The following ALPK2 variants were observed in gnomAD, a reference collection of about 807,000 sequenced individuals.
ALPK2 encodes alpha-protein kinase 2.
In ALPK2, 127 loss-of-function variants were observed where a neutral mutation model predicts 163.1. The observed-to-expected ratio is 0.78, with a 90% CI of 0.67 to 0.90. The LOEUF (loss-of-function observed/expected upper bound fraction) is 0.90, where lower values mean the gene tolerates loss of function less well. Ranked by LOEUF, ALPK2 falls within the 40% of genes least tolerant of loss-of-function variation. The pLI, the probability that ALPK2 is intolerant of heterozygous loss-of-function variation, is 0.00. For missense variants in ALPK2, 2,360 were observed against 2,589.6 expected (o/e 0.91, Z 1.92); for synonymous variants, 953 against 959.1 (o/e 0.99, Z 0.12).
rs1169309121 is a variant in ALPK2, at chr18:58,516,849, C to A, written c.5940+59G>T. The stretch of plus-strand genomic sequence containing the variant: ...TCAATCCTGAGTCTGATTTTCATCT[C>A]GTCTTATCATGGGTGGTTCTCACAC... On this transcript the variant is annotated intron_variant, in intron 9 of 12. Coordinates refer to ENST00000361673, the MANE Select transcript of ALPK2 (RefSeq NM_052947.4). The A allele has an allele frequency of 2.6e-6, 4 of 1,559,322 alleles. No individual in the cohort carries two copies. In the Admixed American group the frequency reaches 6.9e-5, roughly 27 times the overall value.
chr18:58,587,666 G>A (rs887571824), intron 3 of ALPK2, among the ~76,000 whole-genome samples: 1 of 152,182 alleles, frequency 6.6e-6, no homozygotes, highest in Non-Finnish European at 1.5e-5. Context: ...CAGTGAACTT[G>A]AAGTTGGTCA....
chr18:58,506,203 C>T (rs1482121594), intron 10 of ALPK2, among the ~76,000 whole-genome samples: 3 of 151,884 alleles, frequency 2.0e-5, no homozygotes, highest in South Asian at 2.1e-4. Flanking sequence ...CAGTAGACAC[C>T]GGGGATTCCA....
chr18:58,536,271 C>G lies in ALPK2; in HGVS notation c.3916G>C (p.Ala1306Pro). 6.2e-7 allele frequency: 1 copy of G among 1,614,226 alleles called. No homozygotes were observed. Among genetic ancestry groups the G allele is most frequent in the East Asian group, 2.2e-5 (1 of 44,890 alleles). Reference sequence around the variant, plus strand: ...TGGCTTTCTCTGCTATCAGCAAGGGCTGACTCAGCATCCTCTGGACTGTGA... The same window carrying G: ...TGGCTTTCTCTGCTATCAGCAAGGGGTGACTCAGCATCCTCTGGACTGTGA... Reference protein sequence around the residue: ...LAHSPEDAESALADSRESHKG... With the variant: ...LAHSPEDAESPLADSRESHKG... The change falls in exon 5 of 13, where the codon GCC (alanine) becomes CCC (proline). Residue 1306 changes from alanine (A) to proline (P), a missense_variant. Coordinates refer to ENST00000361673, the MANE Select transcript of ALPK2 (RefSeq NM_052947.4).
rs571736553 is a variant in ALPK2, at chr18:58,551,819, T to G, written c.1963-13595A>C. ...ATTCAGTGCAGCCAAGTCTATTCCT[T>G]GTCACCAGCCCAGGCTTCCAGACCC... On this transcript the variant is annotated intron_variant, in intron 4 of 12. Transcript: ENST00000361673. 1.2e-4 allele frequency among the ~76,000 whole-genome samples: 18 copies of G among 152,326 alleles called. No individual in the cohort carries two copies. The South Asian group carries it at 3.7e-3, about 32-fold the overall frequency.
At chr18:58,503,477 A>G (rs2051443761) in intron 11 of ALPK2, among the ~76,000 whole-genome samples, 1 of 152,308 alleles carries the variant, frequency 6.6e-6, no homozygotes, top group Non-Finnish European at 1.5e-5. Context: ...GGATCGCTAG[A>G]GCCCAGTAGT....
At position 58,537,055 on chromosome 18, in the gene ALPK2, G is replaced by A. The variant is rs1472990719; in HGVS notation, c.3132C>T (p.Ser1044=). ...GGTEERFPRA[S]HEKVSQFPSQ... Reference sequence around the variant, plus strand: ...AAGGAAATTGGGAAACCTTTTCATGGGATGCACGAGGGAACCTCTCCTCAG... The same window carrying A: ...AAGGAAATTGGGAAACCTTTTCATGAGATGCACGAGGGAACCTCTCCTCAG... The change falls in exon 5 of 13, where the codon TCC becomes TCT. Residue 1044 remains serine (S), a synonymous_variant. Coordinates refer to ENST00000361673, the MANE Select transcript of ALPK2 (RefSeq NM_052947.4). 2 of 1,613,916 alleles carry A rather than the reference G, an allele frequency of 1.2e-6. No individual in the cohort carries two copies. Among genetic ancestry groups the A allele is most frequent in the African/African-American group, 2.7e-5 (2 of 75,028 alleles).
At chr18:58,483,101 A>G (rs140985996) in intron 12 of ALPK2, among the ~76,000 whole-genome samples, 3 of 152,296 alleles carry the variant, frequency 2.0e-5, no homozygotes, top group Non-Finnish European at 4.4e-5. Context: ...CTCCCCAATA[A>G]GTGGCATCTC....
chr18:58,625,977 T>C (rs1447684996), intron 1 of ALPK2, among the ~76,000 whole-genome samples: 1 of 152,282 alleles, frequency 6.6e-6, no homozygotes, highest in Non-Finnish European at 1.5e-5. Context: ...GTCAGGTGTT[T>C]ATTCTTTCGT....
intron 4 of ALPK2, among the ~76,000 whole-genome samples, chr18:58,555,916 G>A (rs1009524111): frequency 2.6e-5 from 4 of 152,132 alleles, no homozygotes; most frequent in African/African-American, 4.8e-5. Context: ...CTGCCTCCCC[G>A]GTTCAAGCGA....
Position 58,536,547 on chromosome 18 carries a change from G to C in ALPK2, c.3640C>G (p.Leu1214Val). The C allele has an allele frequency of 1.2e-6, 2 of 1,613,920 alleles. No homozygotes were observed. Among genetic ancestry groups the C allele is most frequent in the Non-Finnish European group, 1.7e-6 (2 of 1,180,026 alleles). The change falls in exon 5 of 13, where the codon CTC becomes GTC. Residue 1214 changes from leucine to valine, a missense_variant. By Grantham distance (32) the Leu-to-Val change is conservative. Coordinates refer to ENST00000361673, the MANE Select transcript of ALPK2 (RefSeq NM_052947.4). The stretch of plus-strand genomic sequence containing the variant: ...GACTCTTCCAAAAGGATATCAGAGA[G>C]AGATGGAACGTTGCTCAGAGCCTGA... ...DSQALSNVPS[L>V]SDILLEESKE...
At chr18:58,593,185 G>A (rs955757213) in intron 3 of ALPK2, among the ~76,000 whole-genome samples, 1 of 152,204 alleles carries the variant, frequency 6.6e-6, no homozygotes. Flanking sequence ...GTACCATGCC[G>A]GACAGAGGGT....
At chr18:58,627,135 T>C (rs2052235045) in intron 1 of ALPK2, among the ~76,000 whole-genome samples, 2 of 152,046 alleles carry the variant, frequency 1.3e-5, no homozygotes. Flanking sequence ...TTCTCCCACC[T>C]CCATCCAGAG....
rs1039692888 is a variant in ALPK2 at position 58,557,648 on chromosome 18, A to G, written c.1963-19424T>C. On this transcript the variant is annotated intron_variant, in intron 4 of 12. Transcript: ENST00000361673. Reference sequence around the variant, plus strand: ...TACGTATAAACTATAGTGTGTGTGTATATATATACACATATATATACGTGT... The same window carrying G: ...TACGTATAAACTATAGTGTGTGTGTGTATATATACACATATATATACGTGT... 5.8e-5 allele frequency among the ~76,000 whole-genome samples: 8 copies of G among 138,644 alleles called. No individual in the cohort carries two copies. In the Admixed American group the frequency reaches 6.2e-4, roughly 11 times the overall value. 91.0% of individuals were successfully genotyped at this position (138,644 alleles called of 152,430 possible). A position where few individuals can be genotyped will look rare whatever the true frequency, so the allele number is the denominator to read the frequency against.
At chr18:58,609,070 G>A (rs1475151213) in intron 2 of ALPK2, among the ~76,000 whole-genome samples, 1 of 152,112 alleles carries the variant, frequency 6.6e-6, no homozygotes, top group Non-Finnish European at 1.5e-5. Flanking sequence ...CCTGCACCAT[G>A]AGCAGGACCT....
intron 3 of ALPK2, among the ~76,000 whole-genome samples, chr18:58,586,624 A>G (rs1568094012): frequency 6.6e-6 from 1 of 152,152 alleles, no homozygotes; most frequent in Non-Finnish European, 1.5e-5. Flanking sequence ...TCAAAGCCCC[A>G]TACCCAGAGA....
intron 11 of ALPK2, among the ~76,000 whole-genome samples, chr18:58,498,584 C>T (rs2051413514): frequency 6.6e-6 from 1 of 152,162 alleles, no homozygotes; most frequent in Non-Finnish European, 1.5e-5. Context: ...TGGCCATGTC[C>T]CCACCCAAAT....
chr18:58,541,396 C>T (rs1304354475), intron 4 of ALPK2, among the ~76,000 whole-genome samples: 2 of 152,200 alleles, frequency 1.3e-5, no homozygotes, highest in South Asian at 2.1e-4. Context: ...AGGAACCACC[C>T]GCATCATCCA....
At chr18:58,562,069 G>C (rs1374345659) in intron 4 of ALPK2, among the ~76,000 whole-genome samples, 1 of 152,050 alleles carries the variant, frequency 6.6e-6, no homozygotes, top group Non-Finnish European at 1.5e-5. Flanking sequence ...TTTTCTTATG[G>C]AGCTTGAGTT....
chr18:58,573,613 C>CTTTTTTTTTTTTTTTTTTTTTTTT (rs778622176), intron 4 of ALPK2, among the ~76,000 whole-genome samples: 3 of 51,730 alleles, frequency 5.8e-5, no homozygotes, highest in Admixed American at 3.5e-4. Flanking sequence ...TTTTTGTCTT[C>CTTTTTTTTTTTTTTTTTTTTTTTT]TTTTTTTTTT....
Sources: gnomAD v4.1 joint callset for allele counts (sites outside exome capture counted in the v4.1 genomes callset) on GRCh38, gnomAD v4.1.1 for gene constraint, MANE v1.5 for transcripts, NCBI Gene and HGNC (gene_info 2026-07-23, HGNC 2026-07-21) for gene names.